Variants in GALNT2 observed in about 807,000 individuals in gnomAD.
GALNT2 encodes the protein UDP-GalNAc:polypeptide N-acetylgalactosaminyltransferase 2.
A neutral mutation model predicts 81.4 loss-of-function variants in GALNT2; 31 were observed. The observed-to-expected ratio is 0.38, with a 90% CI of 0.29 to 0.51. The LOEUF (loss-of-function observed/expected upper bound fraction) is 0.51, where lower values mean the gene tolerates loss of function less well. GALNT2 is among the 20% of genes least tolerant of loss of function. The pLI, the probability that GALNT2 is intolerant of heterozygous loss-of-function variation, is 0.87. For missense variants in GALNT2, 629 were observed against 765.7 expected, an observed-to-expected ratio of 0.82 and a Z score of 2.11; for synonymous variants, 303 against 287.4, an observed-to-expected ratio of 1.05 and a Z score of -0.55.
chr1:230,139,169 C>T (rs563238344), intron 1 of GALNT2, among the ~76,000 whole-genome samples: 14 of 152,314 alleles, frequency 9.2e-5, no homozygotes, highest in East Asian at 5.8e-4. Context: ...CCACTTTACC[C>T]GGCTTTGGTC....
intron 14 of GALNT2, among the ~76,000 whole-genome samples, chr1:230,273,112 A>G (rs11576324): frequency 0.41 from 62,471 of 152,014 alleles, 13,235 homozygotes; most frequent in Middle Eastern, 0.53. Flanking sequence ...ATGACGGACT[A>G]TTTGTTCCAA....
At chr1:230,196,968 T>C (rs1196658720) in intron 2 of GALNT2, among the ~76,000 whole-genome samples, 1 of 152,058 alleles carries the variant, frequency 6.6e-6, no homozygotes, top group East Asian at 1.9e-4. Context: ...GGGACCTAAC[T>C]GATCATGATA....
intron 1 of GALNT2, among the ~76,000 whole-genome samples, chr1:230,153,633 C>T (rs767473111): frequency 6.6e-6 from 1 of 152,200 alleles, no homozygotes; most frequent in Non-Finnish European, 1.5e-5. Flanking sequence ...CCCTAAGTAC[C>T]CTTCCAGCCC....
chr1:230,145,781 T>C (rs1260623094), intron 1 of GALNT2, among the ~76,000 whole-genome samples: 13 of 152,210 alleles, frequency 8.5e-5, no homozygotes, highest in Non-Finnish European at 1.5e-4. Flanking sequence ...AGTGGTTCCA[T>C]CTGGACTTGG....
intron 2 of GALNT2, among the ~76,000 whole-genome samples, chr1:230,189,018 G>A (rs1285767554): frequency 6.6e-6 from 1 of 152,066 alleles, no homozygotes; most frequent in Non-Finnish European, 1.5e-5. Flanking sequence ...AGTGGGGCCG[G>A]AAGAGGAGCA....
intron 2 of GALNT2, among the ~76,000 whole-genome samples, chr1:230,188,692 T>G (rs185530240): frequency 1.3e-5 from 2 of 152,234 alleles, no homozygotes; most frequent in East Asian, 3.9e-4. Context: ...TGTGGATGAG[T>G]TTTTGCCCAT....
At chr1:230,203,979 T>C (rs2102707630) in intron 3 of GALNT2, among the ~76,000 whole-genome samples, 1 of 152,236 alleles carries the variant, frequency 6.6e-6, no homozygotes, top group South Asian at 2.1e-4. Flanking sequence ...CATTCACCAC[T>C]ACATCCAGAT....
chr1:230,108,176 G>C (rs921159845), intron 1 of GALNT2, among the ~76,000 whole-genome samples: 1 of 152,176 alleles, frequency 6.6e-6, no homozygotes, highest in African/African-American at 2.4e-5. Context: ...GAAGCAATAG[G>C]CACAGTCCTG....
chr1:230,126,781 C>T (rs781169532), intron 1 of GALNT2, among the ~76,000 whole-genome samples: 19 of 152,096 alleles, frequency 1.2e-4, no homozygotes, highest in Non-Finnish European at 2.6e-4. Context: ...TGTTCCAGCC[C>T]GTATAACCCC....
At chr1:230,146,319 C>T (rs1661914798) in intron 1 of GALNT2, among the ~76,000 whole-genome samples, 1 of 152,216 alleles carries the variant, frequency 6.6e-6, no homozygotes, top group African/African-American at 2.4e-5. Context: ...TTGTTCGCAG[C>T]TATTCATGTC....
At chr1:230,168,043 T>C (rs940200278) in intron 1 of GALNT2, among the ~76,000 whole-genome samples, 1 of 151,842 alleles carries the variant, frequency 6.6e-6, no homozygotes, top group African/African-American at 2.4e-5. Context: ...AAGAACCTGC[T>C]TCAGCTGTGG....
intron 3 of GALNT2, among the ~76,000 whole-genome samples, chr1:230,219,915 G>A (rs1409291289): frequency 1.3e-5 from 2 of 152,016 alleles, no homozygotes; most frequent in African/African-American, 4.8e-5. Context: ...TCTGTGCCTG[G>A]GCTTTCTTGT....
chr1:230,079,901 T>C (rs777882072), intron 1 of GALNT2, among the ~76,000 whole-genome samples: 1 of 152,156 alleles, frequency 6.6e-6, no homozygotes, highest in South Asian at 2.1e-4. Flanking sequence ...TTCAGTAACT[T>C]AGGAGCTCAC....
At chr1:230,206,630 C>G (rs981000835) in intron 3 of GALNT2, among the ~76,000 whole-genome samples, 5 of 152,184 alleles carry the variant, frequency 3.3e-5, no homozygotes, top group African/African-American at 1.2e-4. Context: ...TTTGACCTTT[C>G]TGTATAAAAT....
intron 1 of GALNT2, among the ~76,000 whole-genome samples, chr1:230,092,184 T>TTGTTTTTTTTTTTTG (rs796379271): frequency 0.088 from 10,544 of 119,374 alleles, 614 homozygotes; most frequent in South Asian, 0.16. Flanking sequence ...TAGTTTTTTT[T>TTGTTTTTTTTTTTTG]TTTTTTTTTT....
intron 2 of GALNT2, among the ~76,000 whole-genome samples, chr1:230,188,206 C>T (rs971208083): frequency 6.6e-6 from 1 of 152,084 alleles, no homozygotes; most frequent in African/African-American, 2.4e-5. Context: ...CTTATGTGGC[C>T]CCACTTTGGA....
chr1:230,214,676 C>A (rs1191140964), intron 3 of GALNT2, among the ~76,000 whole-genome samples: 1 of 152,080 alleles, frequency 6.6e-6, no homozygotes, highest in African/African-American at 2.4e-5. Flanking sequence ...TGTGGAATTT[C>A]CTGACTCTTG....
chr1:230,272,667 T>C (rs1448358942), intron 14 of GALNT2, among the ~76,000 whole-genome samples: 1 of 152,160 alleles, frequency 6.6e-6, no homozygotes, highest in Non-Finnish European at 1.5e-5. Flanking sequence ...CTGCATCCCC[T>C]CTGCTGATGC....
chr1:230,190,323 C>T (rs545946758), intron 2 of GALNT2, among the ~76,000 whole-genome samples: 77 of 152,368 alleles, frequency 5.1e-4, no homozygotes, highest in Non-Finnish European at 9.0e-4. Flanking sequence ...GCCCCCATAG[C>T]TGAGACGAAG....
Sources: allele counts gnomAD v4.1 joint callset (sites outside exome capture counted in the v4.1 genomes callset), GRCh38; gene constraint gnomAD v4.1.1; transcripts MANE v1.5; gene names NCBI Gene and HGNC (gene_info 2026-07-23, HGNC 2026-07-21).